CSMD3: variants seen among roughly 807,000 people sequenced by gnomAD.
CSMD3 encodes the protein CUB and sushi domain-containing protein 3.
In CSMD3, 177 loss-of-function variants were observed where a neutral mutation model predicts 435.2. That is an observed-to-expected ratio of 0.41 (90% CI 0.36 to 0.46). The LOEUF is 0.46. CSMD3 is among the 20% of genes least tolerant of loss of function. The pLI, the probability that CSMD3 is intolerant of heterozygous loss-of-function variation, is 0.34. For synonymous variants in CSMD3, 1,656 were observed against 1,520.5 expected, an observed-to-expected ratio of 1.09 and a Z score of -2.07; for missense variants, 4,265 against 4,504.6, an observed-to-expected ratio of 0.95 and a Z score of 1.52.
intron 3 of CSMD3, among the ~76,000 whole-genome samples, chr8:113,183,364 A>T (rs896845737): frequency 1.3e-5 from 2 of 152,016 alleles, no homozygotes; most frequent in Non-Finnish European, 2.9e-5. Flanking sequence ...CTTACTAGGA[A>T]TTAATTTATT....
At chr8:112,799,886 G>T (rs1258478559) in intron 13 of CSMD3, among the ~76,000 whole-genome samples, 1 of 151,854 alleles carries the variant, frequency 6.6e-6, no homozygotes, top group African/African-American at 2.4e-5. Flanking sequence ...TTTGGGGAAG[G>T]CTAGGAGTCT....
chr8:112,855,193 C>A (rs574691931), intron 11 of CSMD3, among the ~76,000 whole-genome samples: 135 of 152,208 alleles, frequency 8.9e-4, no homozygotes, highest in Admixed American at 1.2e-3. Flanking sequence ...AGATGCAGCT[C>A]ACATTCCATT....
At chr8:112,397,495 A>G (rs1322972009) in intron 35 of CSMD3, among the ~76,000 whole-genome samples, 1 of 152,204 alleles carries the variant, frequency 6.6e-6, no homozygotes, top group African/African-American at 2.4e-5. Context: ...CCATAGCAAA[A>G]TACCATAGAA....
At chr8:112,514,898 T>A (rs556451847) in intron 28 of CSMD3, among the ~76,000 whole-genome samples, 5 of 151,534 alleles carry the variant, frequency 3.3e-5, no homozygotes. Context: ...TTTTCAGACT[T>A]TTTTTTTAAG....
chr8:112,976,454 A>G (rs966225578), intron 6 of CSMD3, among the ~76,000 whole-genome samples: 9 of 152,114 alleles, frequency 5.9e-5, no homozygotes, highest in Non-Finnish European at 1.0e-4. Flanking sequence ...AAATCTACAG[A>G]TGAATTTTAG....
chr8:112,681,064 C>A (rs1326261300), intron 16 of CSMD3, among the ~76,000 whole-genome samples: 5 of 145,682 alleles, frequency 3.4e-5, no homozygotes, highest in Admixed American at 6.9e-5. Flanking sequence ...AAGACAGAGT[C>A]TTGCTCTATC....
At chr8:112,603,387 T>C (rs951668830) in intron 22 of CSMD3, among the ~76,000 whole-genome samples, 4 of 152,266 alleles carry the variant, frequency 2.6e-5, no homozygotes, top group Admixed American at 6.5e-5. Flanking sequence ...AGATGACTGA[T>C]GCTACATGGT....
At chr8:113,084,514 T>C (rs1217588832) in intron 5 of CSMD3, among the ~76,000 whole-genome samples, 1 of 150,918 alleles carries the variant, frequency 6.6e-6, no homozygotes, top group African/African-American at 2.4e-5. Flanking sequence ...CATGCTAAAA[T>C]GACCATACAA....
chr8:113,135,081 G>T (rs1488118326), intron 4 of CSMD3, among the ~76,000 whole-genome samples: 1 of 151,970 alleles, frequency 6.6e-6, no homozygotes, highest in Non-Finnish European at 1.5e-5. Context: ...CAACATTGCT[G>T]TACTAGGAAT....
chr8:113,316,069 G>C (rs1277183630), intron 1 of CSMD3, among the ~76,000 whole-genome samples: 1 of 152,060 alleles, frequency 6.6e-6, no homozygotes, highest in Admixed American at 6.6e-5. Context: ...AAAAACCTAA[G>C]ATTAATACAA....
chr8:112,334,628 C>T (rs1021173816), intron 45 of CSMD3, among the ~76,000 whole-genome samples: 1 of 152,008 alleles, frequency 6.6e-6, no homozygotes, highest in Non-Finnish European at 1.5e-5. Context: ...AGATAAATAG[C>T]CATTTTCTTA....
intron 4 of CSMD3, among the ~76,000 whole-genome samples, chr8:113,143,794 G>A (rs776079401): frequency 6.7e-4 from 101 of 151,536 alleles, no homozygotes; most frequent in Non-Finnish European, 1.3e-3. Flanking sequence ...GGTTAAGTAG[G>A]GGGCTGGGGT....
chr8:112,666,128 TA>T, intron 17 of CSMD3, 148 bp downstream of exon 17: 2 of 699,598 alleles, frequency 2.9e-6, no homozygotes, highest in Non-Finnish European at 5.0e-6. Flanking sequence ...GCTGAAAGGT[TA>T]AAAGGGGGCA....
chr8:112,928,506 C>G (rs2130687523), intron 9 of CSMD3, among the ~76,000 whole-genome samples: 1 of 152,232 alleles, frequency 6.6e-6, no homozygotes, highest in African/African-American at 2.4e-5. Flanking sequence ...TCTCACTGTT[C>G]AATTCCCACC....
chr8:112,513,308 C>T (rs929706480), intron 28 of CSMD3, among the ~76,000 whole-genome samples: 1 of 152,180 alleles, frequency 6.6e-6, no homozygotes, highest in Admixed American at 6.5e-5. Context: ...TTTACAGTGA[C>T]AGATGTGCAA....
chr8:112,475,407 T>C (rs1818946637), intron 31 of CSMD3, among the ~76,000 whole-genome samples: 1 of 152,166 alleles, frequency 6.6e-6, no homozygotes, highest in African/African-American at 2.4e-5. Context: ...CTTATGGTAA[T>C]ATTATGTTAG....
intron 3 of CSMD3, among the ~76,000 whole-genome samples, chr8:113,243,211 A>G (rs1173506395): frequency 6.6e-6 from 1 of 152,028 alleles, no homozygotes; most frequent in African/African-American, 2.4e-5. Flanking sequence ...TTATTTATCC[A>G]CACATTCTTT....
At chr8:112,962,306 A>G (rs996347492) in intron 7 of CSMD3, among the ~76,000 whole-genome samples, 108 of 151,820 alleles carry the variant, frequency 7.1e-4, no homozygotes, top group African/African-American at 2.6e-3. Flanking sequence ...GATAACTAAT[A>G]TTTTCTTACT....
At chr8:112,414,448 T>A (rs1264495125) in intron 32 of CSMD3, among the ~76,000 whole-genome samples, 1 of 152,200 alleles carries the variant, frequency 6.6e-6, no homozygotes. Context: ...CCTTCTGCCA[T>A]GATTGTAAAT....
Sources: allele counts gnomAD v4.1 joint callset (sites outside exome capture counted in the v4.1 genomes callset), GRCh38; gene constraint gnomAD v4.1.1; transcripts MANE v1.5; gene names NCBI Gene and HGNC (gene_info 2026-07-23, HGNC 2026-07-21).